The following PDIA6 variants were observed in gnomAD, a reference collection of about 807,000 sequenced individuals.
PDIA6 encodes protein disulfide isomerase family A member 6.
A neutral mutation model predicts 58.4 loss-of-function variants in PDIA6; 29 were observed. The ratio of observed to expected loss-of-function variants is 0.50; its 90% confidence interval spans 0.37 to 0.68. The LOEUF (loss-of-function observed/expected upper bound fraction) is 0.68, where lower values mean the gene tolerates loss of function less well. Ranked by LOEUF, PDIA6 falls within the 30% of genes least tolerant of loss-of-function variation. PDIA6 has a pLI of 0.00. For synonymous variants in PDIA6, 192 were observed against 202.6 expected (o/e 0.95, Z 0.44); for missense variants, 480 against 551.0 (o/e 0.87, Z 1.29).
intron 1 of PDIA6, 26 bp downstream of exon 1, chr2:10,812,652 G>T: frequency 1.3e-6 from 2 of 1,521,706 alleles, no homozygotes; most frequent in South Asian, 1.2e-5. Flanking sequence ...CAGCTCGCCC[G>T]CCTCCCTCCG....
intron 1 of PDIA6, among the ~76,000 whole-genome samples, chr2:10,812,305 A>AG (rs1247201844): frequency 1.3e-5 from 2 of 151,162 alleles, no homozygotes. Context: ...CCCACGCACG[A>AG]GTTCGAGAAG....
intron 1 of PDIA6, among the ~76,000 whole-genome samples, chr2:10,832,037 AGAG>A (rs1167778518): frequency 1.4e-5 from 2 of 147,684 alleles, no homozygotes; most frequent in African/African-American, 5.3e-5. Flanking sequence ...AAAAAAAAAA[AGAG>A]GAGAGAATTC....
At chr2:10,835,926 C>A (rs1461650708), upstream of PDIA6, among the ~76,000 whole-genome samples, 1 of 152,148 alleles carries the variant, frequency 6.6e-6, no homozygotes, top group African/African-American at 2.4e-5. Flanking sequence ...TGGCGGGCGC[C>A]TGTAATCCCA....
At chr2:10,834,619 A>G (rs1035986313), upstream of PDIA6, among the ~76,000 whole-genome samples, 1 of 151,530 alleles carries the variant, frequency 6.6e-6, no homozygotes, top group Non-Finnish European at 1.5e-5. Context: ...TGTTATGAAC[A>G]CTAAGAGGCA....
intron 1 of PDIA6, among the ~76,000 whole-genome samples, chr2:10,824,556 T>C (rs530075520): frequency 4.6e-5 from 7 of 152,292 alleles, no homozygotes; most frequent in Non-Finnish European, 8.8e-5. Context: ...CATAAACCAA[T>C]CAGAGTGAAG....
intron 8 of PDIA6, among the ~76,000 whole-genome samples, chr2:10,789,231 G>A (rs1019779398): frequency 2.0e-5 from 3 of 151,698 alleles, no homozygotes; most frequent in African/African-American, 4.8e-5. Context: ...CTCTGAAATC[G>A]CAATGCCTGG....
At chr2:10,827,890 G>A (rs1667594506) in intron 1 of PDIA6, among the ~76,000 whole-genome samples, 1 of 151,320 alleles carries the variant, frequency 6.6e-6, no homozygotes, top group South Asian at 2.1e-4. Context: ...GTTTGTGAAA[G>A]TTTAATCTTT....
At position 10,784,147 on chromosome 2, in the gene PDIA6, G is replaced by T; in HGVS notation, c.*111C>A. The T allele has an allele frequency of 1.5e-6, 1 of 673,014 alleles. No individual in the cohort carries two copies. Among genetic ancestry groups the T allele is most frequent in the Non-Finnish European group, 2.4e-6 (1 of 409,648 alleles). The allele number at this position is 673,014 out of a possible 1,614,324, so 41.7% of individuals were successfully genotyped here. On this transcript the variant is annotated 3_prime_UTR_variant, in exon 13 of 13. Coordinates refer to ENST00000272227, the MANE Select transcript of PDIA6 (RefSeq NM_005742.4). ...ATGACCAATCAAGTACTACTTCTTG[G>T]TTAAAAGGCCACTGGTAGAGTCATC...
intron 5 of PDIA6, among the ~76,000 whole-genome samples, chr2:10,792,508 C>T (rs1336864073): frequency 6.6e-6 from 1 of 152,172 alleles, no homozygotes; most frequent in African/African-American, 2.4e-5. Context: ...AGCTCTGAGC[C>T]TGTATAAAGA....
chr2:10,804,023 C>T (rs993076803), intron 1 of PDIA6, among the ~76,000 whole-genome samples: 5 of 149,896 alleles, frequency 3.3e-5, no homozygotes, highest in African/African-American at 1.2e-4. Context: ...ATTCTCCTGC[C>T]TCAACCTCCT....
chr2:10,786,363 T>A (rs1303998793), intron 11 of PDIA6, among the ~76,000 whole-genome samples: 1 of 151,548 alleles, frequency 6.6e-6, no homozygotes, highest in South Asian at 2.1e-4. Flanking sequence ...CCAACTACAA[T>A]GAGAGAGAGC....
intron 1 of PDIA6, among the ~76,000 whole-genome samples, chr2:10,827,510 A>G (rs1195324011): frequency 1.3e-5 from 2 of 152,146 alleles, no homozygotes; most frequent in Admixed American, 6.5e-5. Context: ...TGAAAATTTA[A>G]TGAAAGTGTA....
In PDIA6 at chr2:10,797,156, C is replaced by A. The variant is rs1349185260; in HGVS notation, c.271G>T (p.Gly91Cys). 6.2e-7 allele frequency: 1 copy of A among 1,611,916 alleles called. No homozygotes were observed. Residue 91 changes from glycine (G) to cysteine (C), a missense_variant, in exon 4 of 13, where the codon GGT (glycine) becomes TGT (cysteine). Coordinates refer to ENST00000272227, the MANE Select transcript of PDIA6 (RefSeq NM_005742.4). ...GGAAATCCCTGAACACCATACTGAC[C>A]TCCTAGGGAATGATGCTTATCTGCA... ...VDADKHHSLG[G>C]QYGVQGFPTI...
chr2:10,837,149 C>T (rs1485422412), upstream of PDIA6, among the ~76,000 whole-genome samples: 3 of 152,188 alleles, frequency 2.0e-5, no homozygotes, highest in Non-Finnish European at 4.4e-5. Flanking sequence ...CCTCTGTTCT[C>T]ACTGTCACCC....
rs1665588289 is a variant in PDIA6, at chr2:10,784,318, C to T, written c.1263G>A (p.Val421=). 1 of 1,612,782 alleles carries T rather than the reference C, an allele frequency of 6.2e-7. No homozygotes were observed. The highest frequency in any genetic ancestry group is 8.5e-7 in the Non-Finnish European group (1 of 1,179,704). ...CATCACTGAGGTCAATGTCATCCTC[C>T]ACGGGAAGCTGGGAGACGACAGAAA... ...PWDGRDGELP[V]EDDIDLSDVE... Residue 421 remains valine (V), a synonymous_variant, in exon 13 of 13, where the codon GTG becomes GTA. Transcript: ENST00000272227.
chr2:10,830,226 T>C (rs1033372067), intron 1 of PDIA6, among the ~76,000 whole-genome samples: 5 of 152,254 alleles, frequency 3.3e-5, no homozygotes, highest in Non-Finnish European at 7.3e-5. Context: ...GACTGGGCTG[T>C]GTCCCAGCTC....
chr2:10,827,305 C>T (rs774202506), intron 1 of PDIA6, among the ~76,000 whole-genome samples: 5 of 151,912 alleles, frequency 3.3e-5, no homozygotes, highest in Non-Finnish European at 7.4e-5. Context: ...TCAGATGATC[C>T]GCCCTCCTCA....
intron 11 of PDIA6, among the ~76,000 whole-genome samples, chr2:10,786,317 G>C (rs559755892): frequency 8.0e-6 from 1 of 124,510 alleles, no homozygotes; most frequent in Admixed American, 7.6e-5. Context: ...TGTCTCGGGG[G>C]TGGGGGGGAA....
upstream of PDIA6, among the ~76,000 whole-genome samples, chr2:10,834,901 G>T (rs1426343223): frequency 1.3e-5 from 2 of 151,918 alleles, no homozygotes; most frequent in African/African-American, 4.8e-5. Context: ...TTAGTAGCTG[G>T]GATTACAGGC....
Sources: gnomAD v4.1 joint callset for allele counts (sites outside exome capture counted in the v4.1 genomes callset) on GRCh38, gnomAD v4.1.1 for gene constraint, MANE v1.5 for transcripts, NCBI Gene and HGNC (gene_info 2026-07-23, HGNC 2026-07-21) for gene names.